Variants in MIPOL1 observed in about 807,000 individuals in gnomAD.
The protein encoded by MIPOL1 is mirror-image polydactyly gene 1 protein.
Under a neutral mutation model 60.9 loss-of-function variants are expected in MIPOL1, and 57 were observed. The observed-to-expected ratio is 0.94, with a 90% CI of 0.76 to 1.17. The LOEUF is 1.17. Ranked by LOEUF, MIPOL1 falls within the 50% of genes most tolerant of loss-of-function variation. The probability of loss-of-function intolerance (pLI) is 0.00; values close to 1 mark genes in which losing one functional copy is unlikely to be tolerated. For synonymous variants in MIPOL1, 179 were observed against 168.8 expected (o/e 1.06, Z -0.47); for missense variants, 551 against 511.6 (o/e 1.08, Z -0.74).
intron 11 of MIPOL1, among the ~76,000 whole-genome samples, chr14:37,481,614 G>A (rs1292510151): frequency 8.9e-5 from 6 of 67,326 alleles, no homozygotes; most frequent in East Asian, 5.2e-4. Context: ...CACACACACC[G>A]AAACCACATA....
intron 10 of MIPOL1, among the ~76,000 whole-genome samples, chr14:37,375,141 G>C (rs188372904): frequency 6.6e-6 from 1 of 151,900 alleles, no homozygotes; most frequent in Admixed American, 6.6e-5. Context: ...TCTTTTTGTA[G>C]CAGTTGTGAA....
rs116813769 is a variant in MIPOL1 at position 37,249,546 on chromosome 14, G to T, written c.19+1639G>T. On this transcript the variant is annotated intron_variant, in intron 3 of 12. Transcript: ENST00000684589. ...TTTGTCACTCTGGGCTGCTTATTAT[G>T]AGTTTAGAATCCAGATAGCTGATGT... Among the ~76,000 whole-genome samples, 389 of 152,230 alleles carry T rather than the reference G, an allele frequency of 2.6e-3. 1 individual carries two copies. The highest frequency in any genetic ancestry group is 9.1e-3 in the African/African-American group (380 of 41,544).
intron 10 of MIPOL1, among the ~76,000 whole-genome samples, chr14:37,403,213 T>C (rs1198893067): frequency 6.6e-6 from 1 of 152,148 alleles, no homozygotes; most frequent in Non-Finnish European, 1.5e-5. Context: ...TGTTCCTCTG[T>C]TTACACATTT....
chr14:37,415,598 C>T (rs1206482241), intron 10 of MIPOL1, among the ~76,000 whole-genome samples: 2 of 142,302 alleles, frequency 1.4e-5, no homozygotes, highest in African/African-American at 5.3e-5. Flanking sequence ...CACTGCACTC[C>T]AGCCTGGGCG....
intron 10 of MIPOL1, among the ~76,000 whole-genome samples, chr14:37,402,164 A>G (rs1171347021): frequency 1.3e-5 from 2 of 152,150 alleles, no homozygotes; most frequent in African/African-American, 2.4e-5. Context: ...ATGATTATAT[A>G]TCACATGATT....
rs2093562891 is a variant in MIPOL1, at chr14:37,405,153, A to G, written c.937-17702A>G. Among the ~76,000 whole-genome samples, 5 of 152,166 alleles carry G rather than the reference A, an allele frequency of 3.3e-5. No individual in the cohort carries two copies. The South Asian group carries it at 1.0e-3, about 31-fold the overall frequency. ...CTAACTTGCAAGATAAAATGGATCA[A>G]AAGCATTTTGAGTAGTTCTATACAA... On this transcript the variant is annotated intron_variant, in intron 10 of 12. Transcript: ENST00000684589.
At chr14:37,295,462 C>G (rs8009825) in intron 7 of MIPOL1, among the ~76,000 whole-genome samples, 2 of 152,134 alleles carry the variant, frequency 1.3e-5, no homozygotes, top group South Asian at 2.1e-4. Flanking sequence ...CAATCCTAAC[C>G]TTAAATGTAA....
At chr14:37,269,936 T>A (rs1031907388) in intron 5 of MIPOL1, among the ~76,000 whole-genome samples, 1 of 152,138 alleles carries the variant, frequency 6.6e-6, no homozygotes, top group African/African-American at 2.4e-5. Flanking sequence ...CAAGCAATTC[T>A]CCTGCCTCAG....
At chr14:37,335,900 T>A (rs1478818740) in intron 9 of MIPOL1, among the ~76,000 whole-genome samples, 4 of 152,122 alleles carry the variant, frequency 2.6e-5, no homozygotes, top group Admixed American at 6.6e-5. Context: ...ACAAGTTTTT[T>A]AATTTTGATA....
intron 6 of MIPOL1, among the ~76,000 whole-genome samples, chr14:37,283,280 T>C (rs1000642036): frequency 3.3e-5 from 5 of 152,186 alleles, no homozygotes; most frequent in Non-Finnish European, 5.9e-5. Flanking sequence ...TTGGCCAAGC[T>C]GGTCTCAAAC....
At chr14:37,315,975 T>C (rs1282429720) in intron 9 of MIPOL1, among the ~76,000 whole-genome samples, 4 of 151,460 alleles carry the variant, frequency 2.6e-5, no homozygotes, top group Non-Finnish European at 4.4e-5. Flanking sequence ...TTGAAATGAG[T>C]GTGGTGTCAG....
intron 10 of MIPOL1, among the ~76,000 whole-genome samples, chr14:37,415,931 T>G (rs1208042370): frequency 6.6e-6 from 1 of 152,176 alleles, no homozygotes; most frequent in Non-Finnish European, 1.5e-5. Flanking sequence ...TGTAGTACCA[T>G]ATTGTTAGGA....
intron 3 of MIPOL1, among the ~76,000 whole-genome samples, chr14:37,259,603 G>C (rs544057292): frequency 1.3e-5 from 2 of 151,972 alleles, no homozygotes; most frequent in South Asian, 2.1e-4. Flanking sequence ...ATCACTGTCT[G>C]TGCTTTCCAA....
intron 11 of MIPOL1, among the ~76,000 whole-genome samples, chr14:37,485,025 G>C (rs1245865673): frequency 6.6e-6 from 1 of 152,066 alleles, no homozygotes; most frequent in Non-Finnish European, 1.5e-5. Flanking sequence ...CCCATAGTGT[G>C]ATGCTGCCTT....
At chr14:37,473,533 G>C (rs1041951626) in intron 11 of MIPOL1, among the ~76,000 whole-genome samples, 1 of 151,932 alleles carries the variant, frequency 6.6e-6, no homozygotes, top group Non-Finnish European at 1.5e-5. Flanking sequence ...CTCCTACTCT[G>C]TGTGTGTGAA....
intron 11 of MIPOL1, among the ~76,000 whole-genome samples, chr14:37,489,959 C>T (rs921040236): frequency 1.3e-5 from 2 of 152,286 alleles, no homozygotes; most frequent in African/African-American, 2.4e-5. Flanking sequence ...CAGTCTGACC[C>T]TTAGCATAGC....
intron 9 of MIPOL1, among the ~76,000 whole-genome samples, chr14:37,319,687 TA>T (rs2088337881): frequency 6.6e-6 from 1 of 152,182 alleles, no homozygotes; most frequent in African/African-American, 2.4e-5. Context: ...TGAAGGGAAG[TA>T]ATCTCAAGTG....
At chr14:37,397,789 T>A (rs2093403841) in intron 10 of MIPOL1, among the ~76,000 whole-genome samples, 1 of 152,094 alleles carries the variant, frequency 6.6e-6, no homozygotes, top group South Asian at 2.1e-4. Flanking sequence ...CCAGCTCCCA[T>A]GCAATCTAAA....
chr14:37,298,406 T>G (rs1000843724), intron 7 of MIPOL1, among the ~76,000 whole-genome samples: 1 of 151,994 alleles, frequency 6.6e-6, no homozygotes, highest in East Asian at 1.9e-4. Flanking sequence ...GACTTCATGT[T>G]TAAAACACCA....
Sources: gnomAD v4.1 joint callset for allele counts (sites outside exome capture counted in the v4.1 genomes callset) on GRCh38, gnomAD v4.1.1 for gene constraint, MANE v1.5 for transcripts, NCBI Gene and HGNC (gene_info 2026-07-23, HGNC 2026-07-21) for gene names.